The following PSD3 variants were observed in gnomAD, a reference collection of about 807,000 sequenced individuals.
PSD3 encodes the protein pleckstrin and Sec7 domain containing 3, also known as PH and SEC7 domain-containing protein 3.
Under a neutral mutation model 105.5 loss-of-function variants are expected in PSD3, and 49 were observed. That is an observed-to-expected ratio of 0.46 (90% confidence interval 0.37 to 0.59). The LOEUF (loss-of-function observed/expected upper bound fraction) is 0.59. Ranked by LOEUF, PSD3 falls within the 20% of genes least tolerant of loss-of-function variation. The pLI, the probability that PSD3 is intolerant of heterozygous loss-of-function variation, is 0.00. For missense variants in PSD3, 1,561 were observed against 1,263.8 expected, an observed-to-expected ratio of 1.24 and a Z score of -3.57; for synonymous variants, 557 against 457.8, an observed-to-expected ratio of 1.22 and a Z score of -2.77.
rs1025488351 is a variant in PSD3, at chr8:19,052,572, G to T, written c.324+31634C>A. Among the ~76,000 whole-genome samples the T allele has an allele frequency of 3.9e-5, 6 of 152,180 alleles. No individual in the cohort carries two copies. In the East Asian group the frequency reaches 1.2e-3, roughly 29 times the overall value. On this transcript the variant is annotated intron_variant, in intron 1 of 1. Transcript: ENST00000521475. Reference sequence around the variant, plus strand: ...TGGTTTAGTCTGGAAACTGTTTCTTGTAGTTTCTCTAGCTGTGCTTTATTA... The same window carrying T: ...TGGTTTAGTCTGGAAACTGTTTCTTTTAGTTTCTCTAGCTGTGCTTTATTA...
intron 11 of PSD3, among the ~76,000 whole-genome samples, chr8:18,616,739 T>G (rs2130685928): frequency 6.7e-6 from 1 of 148,584 alleles, no homozygotes; most frequent in Non-Finnish European, 1.5e-5. Context: ...TTCTCCTGCC[T>G]CAGCCTCCCA....
At chr8:18,667,414 G>C (rs144625167) in intron 9 of PSD3, among the ~76,000 whole-genome samples, 5,156 of 152,234 alleles carry the variant, frequency 0.034, 291 homozygotes, top group African/African-American at 0.12. Context: ...TAGATACAGA[G>C]TGCCGATTGG....
At chr8:18,884,826 A>G (rs921525124) in intron 2 of PSD3, among the ~76,000 whole-genome samples, 1 of 152,220 alleles carries the variant, frequency 6.6e-6, no homozygotes, top group Non-Finnish European at 1.5e-5. Flanking sequence ...TAGAGAAATG[A>G]TACTAGTTTA....
chr8:18,697,911 T>G (rs547531864), intron 9 of PSD3, among the ~76,000 whole-genome samples: 3 of 152,340 alleles, frequency 2.0e-5, no homozygotes, highest in Admixed American at 6.5e-5. Flanking sequence ...TGTACATAAT[T>G]TATCTATTGT....
At chr8:18,739,016 G>T (rs1804362829) in intron 9 of PSD3, among the ~76,000 whole-genome samples, 1 of 152,088 alleles carries the variant, frequency 6.6e-6, no homozygotes, top group African/African-American at 2.4e-5. Flanking sequence ...AGATTGTTCA[G>T]AACAACTTGG....
chr8:18,803,401 G>GTGTC (rs996855784), intron 6 of PSD3: 4 of 150,556 alleles, frequency 2.7e-5, no homozygotes, highest in African/African-American at 9.9e-5. Context: ...GTGTGTGTGT[G>GTGTC]TGTGTGTGTG....
At chr8:18,760,067 A>G (rs543488616) in intron 9 of PSD3, among the ~76,000 whole-genome samples, 10 of 151,682 alleles carry the variant, frequency 6.6e-5, no homozygotes, top group African/African-American at 2.4e-4. Context: ...AGAAATGCAG[A>G]GGATCAAGAC....
chr8:18,603,008 G>T (rs1222274341), intron 11 of PSD3, among the ~76,000 whole-genome samples: 2 of 152,190 alleles, frequency 1.3e-5, no homozygotes, highest in African/African-American at 4.8e-5. Context: ...AAAGATTACT[G>T]ACAGGAAACC....
At chr8:18,556,933 C>A (rs1801113842) in intron 14 of PSD3, among the ~76,000 whole-genome samples, 1 of 152,206 alleles carries the variant, frequency 6.6e-6, no homozygotes, top group African/African-American at 2.4e-5. Context: ...GTTCCTTCAA[C>A]TTGATTGGCC....
At chr8:18,697,355 G>A (rs1801319142) in intron 9 of PSD3, among the ~76,000 whole-genome samples, 1 of 152,108 alleles carries the variant, frequency 6.6e-6, no homozygotes, top group Non-Finnish European at 1.5e-5. Flanking sequence ...ACTCCTGACT[G>A]GCCAACAAAA....
At chr8:18,947,618 A>G (rs991825645) in intron 1 of PSD3, among the ~76,000 whole-genome samples, 3 of 152,230 alleles carry the variant, frequency 2.0e-5, no homozygotes, top group Admixed American at 6.5e-5. Context: ...ATCGACACAC[A>G]TGTGAAGGCA....
chr8:18,722,349 T>C (rs1291548516), intron 9 of PSD3, among the ~76,000 whole-genome samples: 3 of 152,076 alleles, frequency 2.0e-5, no homozygotes, highest in African/African-American at 7.2e-5. Context: ...GCAAATAGAA[T>C]AAAAGAGTTA....
rs142816296 is a variant in PSD3 at position 18,848,119 on chromosome 8, G to A, written c.1634+19555C>T. On this transcript the variant is annotated intron_variant, in intron 4 of 15. Coordinates refer to ENST00000327040, the MANE Select transcript of PSD3 (RefSeq NM_015310.4). ...TAGCTACTGATCACAAGATACACAA[G>A]CTTTCGAGAGTTAAAAAAAAAAATC... is the stretch of plus-strand genomic sequence containing the variant. Among the ~76,000 whole-genome samples, 837 of 135,126 alleles carry A rather than the reference G, an allele frequency of 6.2e-3. 4 individuals carry two copies. The highest frequency in any genetic ancestry group is 1.0e-2 in the Non-Finnish European group (623 of 62,548). The allele number at this position is 135,126 out of a possible 152,430, so 88.6% of individuals were successfully genotyped here.
chr8:18,752,489 TATAA>T (rs1301556443), intron 9 of PSD3, among the ~76,000 whole-genome samples: 304 of 16,790 alleles, frequency 0.018, 15 homozygotes, highest in Admixed American at 0.11. Context: ...TTATTATATA[TATAA>T]TATATATAAT....
At chr8:18,722,759 C>A (rs1295254609) in intron 9 of PSD3, among the ~76,000 whole-genome samples, 1 of 152,190 alleles carries the variant, frequency 6.6e-6, no homozygotes, top group Non-Finnish European at 1.5e-5. Context: ...CTCTGACCAG[C>A]GCCCCCTTCC....
chr8:18,848,107 C>T (rs1586212747), intron 4 of PSD3, among the ~76,000 whole-genome samples: 2 of 149,904 alleles, frequency 1.3e-5, no homozygotes, highest in African/African-American at 4.9e-5. Context: ...CTACTGATCA[C>T]AAGATACACA....
rs373178628 is a variant in PSD3, at chr8:19,045,248, G to A, written c.324+38958C>T. Among the ~76,000 whole-genome samples, 41 of 152,162 alleles carry A rather than the reference G, an allele frequency of 2.7e-4. 1 individual carries two copies. Among genetic ancestry groups the A allele is most frequent in the African/African-American group, 9.9e-4 (41 of 41,510 alleles). On this transcript the variant is annotated intron_variant, in intron 1 of 1. Coordinates refer to the PSD3 transcript ENST00000521475. ...AAAGAAAAGTAAAAAAGTAATATCCGAATTGTGAAAGCTTTGAATGTTTGG... is the reference window on the plus strand; with the variant it reads ...AAAGAAAAGTAAAAAAGTAATATCCAAATTGTGAAAGCTTTGAATGTTTGG...
chr8:18,956,131 T>C (rs1453414104), intron 1 of PSD3, among the ~76,000 whole-genome samples: 1 of 152,124 alleles, frequency 6.6e-6, no homozygotes, highest in Admixed American at 6.5e-5. Flanking sequence ...AGAAAAAGAC[T>C]TTTCTGAGGA....
intron 2 of PSD3, among the ~76,000 whole-genome samples, chr8:18,897,395 A>C (rs1819220712): frequency 6.6e-6 from 1 of 152,132 alleles, no homozygotes; most frequent in Admixed American, 6.5e-5. Context: ...TGACAGTACT[A>C]TGCTATTTGG....
Sources: allele counts gnomAD v4.1 joint callset (sites outside exome capture counted in the v4.1 genomes callset), GRCh38; gene constraint gnomAD v4.1.1; transcripts MANE v1.5; gene names NCBI Gene and HGNC (gene_info 2026-07-23, HGNC 2026-07-21).